CDC40: variants seen among roughly 807,000 people sequenced by gnomAD.
CDC40 encodes the protein pre-mRNA-processing factor 17.
A neutral mutation model predicts 80.6 loss-of-function variants in CDC40; 27 were observed. That is an observed-to-expected ratio of 0.33 (90% CI 0.25 to 0.46). CDC40 has a LOEUF of 0.46. CDC40 is among the 20% of genes least tolerant of loss of function. The pLI is 1.00. For missense variants in CDC40, 486 were observed against 694.1 expected, an observed-to-expected ratio of 0.70 and a Z score of 3.37; for synonymous variants, 221 against 232.6, an observed-to-expected ratio of 0.95 and a Z score of 0.45.
chr6:110,191,252 T>G (rs1777345766), intron 1 of CDC40, among the ~76,000 whole-genome samples: 1 of 152,220 alleles, frequency 6.6e-6, no homozygotes, highest in Non-Finnish European at 1.5e-5. Context: ...CTACCAGATC[T>G]TCACTTGTCT....
chr6:110,215,225 A>C (rs1777684550), intron 8 of CDC40, 61 bp from the exon 9 acceptor site: 3 of 1,342,376 alleles, frequency 2.2e-6, no homozygotes, highest in South Asian at 2.3e-5. Context: ...GGCTGTTGTT[A>C]TTAATTGAAG....
In CDC40 at chr6:110,189,822, A is replaced by G. The variant is rs574628564; in HGVS notation, c.190-3360A>G. Among the ~76,000 whole-genome samples the G allele has an allele frequency of 2.6e-5, 4 of 152,294 alleles. No homozygotes were observed. The East Asian group carries it at 5.8e-4, about 22-fold the overall frequency. On this transcript the variant is annotated intron_variant, in intron 1 of 14. Coordinates refer to ENST00000307731, the MANE Select transcript of CDC40 (RefSeq NM_015891.3). ...CCCATCTGTTCTGTTTTTTACCACC[A>G]AATATTTTCAGTACAGATTTATATG...
chr6:110,190,971 G>C (rs1383213953), intron 1 of CDC40, among the ~76,000 whole-genome samples: 1 of 152,132 alleles, frequency 6.6e-6, no homozygotes, highest in Non-Finnish European at 1.5e-5. Flanking sequence ...TGTGATTAAG[G>C]CTGCAGATAA....
intron 14 of CDC40, among the ~76,000 whole-genome samples, 190 bp downstream of exon 14, chr6:110,229,166 AGGTTCTT>A (rs1219192969): frequency 6.6e-6 from 1 of 152,172 alleles, no homozygotes; most frequent in Non-Finnish European, 1.5e-5. Context: ...TGCTTTTTTT[AGGTTCTT>A]GCTTCAGTAT....
chr6:110,207,723 A>T, intron 4 of CDC40, 134 bp downstream of exon 4: 1 of 588,242 alleles, frequency 1.7e-6, no homozygotes, highest in Non-Finnish European at 3.1e-6. Flanking sequence ...ATGGAGCGAT[A>T]CAGTTTAGAG....
chr6:110,231,375 C>T lies in CDC40; in HGVS notation c.*1244C>T, dbSNP rs1777935947. 6.6e-6 allele frequency: 1 copy of T among 152,272 alleles called. No individual in the cohort carries two copies. The highest frequency in any genetic ancestry group is 2.4e-5 in the African/African-American group (1 of 41,458). The allele number at this position is 152,272 out of a possible 1,614,324, so 9.4% of individuals were successfully genotyped here. ...ATTAGCCAGGCTTGGTGGCTGGCGCCTGTAATTCCAGCTACTCAGAAGGCT... is the reference window on the plus strand; with the variant it reads ...ATTAGCCAGGCTTGGTGGCTGGCGCTTGTAATTCCAGCTACTCAGAAGGCT... On this transcript the variant is annotated 3_prime_UTR_variant, in exon 15 of 15. Coordinates refer to ENST00000307731, the MANE Select transcript of CDC40 (RefSeq NM_015891.3).
intron 1 of CDC40, among the ~76,000 whole-genome samples, chr6:110,186,507 A>AATACATAC (rs1554206674): frequency 3.3e-5 from 5 of 151,922 alleles, no homozygotes; most frequent in Non-Finnish European, 2.9e-5. Flanking sequence ...TAAATAAATA[A>AATACATAC]ATACATAAAA....
chr6:110,199,456 T>G (rs1777461618), intron 2 of CDC40, among the ~76,000 whole-genome samples: 1 of 151,598 alleles, frequency 6.6e-6, no homozygotes, highest in Non-Finnish European at 1.5e-5. Flanking sequence ...TAGCCGGGTG[T>G]GGTGGTGGGC....
chr6:110,215,610 C>T (rs541459592), intron 9 of CDC40, among the ~76,000 whole-genome samples: 8 of 152,168 alleles, frequency 5.3e-5, no homozygotes, highest in Admixed American at 2.6e-4. Flanking sequence ...GAGACAAAAG[C>T]GGAGAAAAGT....
At chr6:110,209,992 A>G (rs2114663087) in intron 5 of CDC40, among the ~76,000 whole-genome samples, 1 of 152,314 alleles carries the variant, frequency 6.6e-6, no homozygotes, top group East Asian at 1.9e-4. Context: ...ACAAATGTAT[A>G]GCTATCACTT....
intron 1 of CDC40, among the ~76,000 whole-genome samples, chr6:110,181,882 C>T (rs1446059877): frequency 6.6e-6 from 1 of 152,214 alleles, no homozygotes; most frequent in African/African-American, 2.4e-5. Flanking sequence ...GAAACTTTCT[C>T]TCCGTTTCGC....
intron 1 of CDC40, among the ~76,000 whole-genome samples, chr6:110,180,909 A>G (rs770887679): frequency 1.3e-5 from 2 of 152,238 alleles, no homozygotes; most frequent in Non-Finnish European, 2.9e-5. Context: ...CATAGCCTGG[A>G]AAGTGCAGGT....
At chr6:110,211,512 T>C (rs1309480096) in intron 6 of CDC40, 1 of 152,238 alleles carries the variant, frequency 6.6e-6, no homozygotes, top group African/African-American at 2.4e-5. Context: ...TTTAGTACTA[T>C]GGTACTTAAA....
At chr6:110,190,071 T>A (rs1369841371) in intron 1 of CDC40, among the ~76,000 whole-genome samples, 1 of 152,236 alleles carries the variant, frequency 6.6e-6, no homozygotes, top group Non-Finnish European at 1.5e-5. Context: ...CCCTGCGTTC[T>A]ACTGGGCAGT....
chr6:110,180,546 C>T lies in CDC40; in HGVS notation c.102C>T (p.Ala34=). Residue 34 remains alanine, a synonymous_variant, in exon 1 of 15, where the codon GCC becomes GCT. Transcript: ENST00000307731. ...GCAGTCGGTGTCCGCTGCCAGCCGC[C>T]GACTCCCTCATGCACTTGACTAAAT... ...SESSRCPLPA[A]DSLMHLTKSP... 2 of 1,614,118 alleles carry T rather than the reference C, an allele frequency of 1.2e-6. No individual in the cohort carries two copies. The highest frequency in any genetic ancestry group is 1.7e-6 in the Non-Finnish European group (2 of 1,180,004).
At chr6:110,197,006 C>A (rs1050448562) in intron 2 of CDC40, among the ~76,000 whole-genome samples, 3 of 151,884 alleles carry the variant, frequency 2.0e-5, no homozygotes, top group African/African-American at 7.3e-5. Flanking sequence ...TTTTATTTAG[C>A]CCATTTTTAG....
At chr6:110,218,686 A>G (rs6938106) in intron 10 of CDC40, among the ~76,000 whole-genome samples, 42,453 of 152,080 alleles carry the variant, frequency 0.28, 8,599 homozygotes, top group African/African-American at 0.58. Context: ...AGGTATTTAT[A>G]TAATTGGTAT....
chr6:110,215,199 C>A, intron 8 of CDC40, 87 bp from the exon 9 acceptor site: 1 of 994,620 alleles, frequency 1.0e-6, no homozygotes, highest in Non-Finnish European at 1.6e-6. Context: ...GATGTGCACA[C>A]ACATAACCAG....
chr6:110,210,470 G>A (rs897613794), intron 5 of CDC40, among the ~76,000 whole-genome samples: 2 of 147,958 alleles, frequency 1.4e-5, no homozygotes, highest in East Asian at 2.0e-4. Flanking sequence ...AGAATTGCTT[G>A]AACTAGGAAG....
Sources: allele counts gnomAD v4.1 joint callset (sites outside exome capture counted in the v4.1 genomes callset), GRCh38; gene constraint gnomAD v4.1.1; transcripts MANE v1.5; gene names NCBI Gene and HGNC (gene_info 2026-07-23, HGNC 2026-07-21).